DENND1B: variants seen among roughly 807,000 people sequenced by gnomAD.
The protein encoded by DENND1B is DENN domain-containing protein 1B.
Under a neutral mutation model 90.1 loss-of-function variants are expected in DENND1B, and 59 were observed. That is an observed-to-expected ratio of 0.65 (90% CI 0.53 to 0.81). The LOEUF (loss-of-function observed/expected upper bound fraction) is 0.81, where lower values mean the gene tolerates loss of function less well. Ranked by LOEUF, DENND1B falls within the 40% of genes least tolerant of loss-of-function variation. DENND1B has a pLI of 0.00. For missense variants in DENND1B, 862 were observed against 912.6 expected, an observed-to-expected ratio of 0.94 and a Z score of 0.71; for synonymous variants, 337 against 324.6, an observed-to-expected ratio of 1.04 and a Z score of -0.41.
At chr1:197,766,699 T>C (rs901402560) in intron 2 of DENND1B, among the ~76,000 whole-genome samples, 1 of 152,206 alleles carries the variant, frequency 6.6e-6, no homozygotes, top group Non-Finnish European at 1.5e-5. Flanking sequence ...AGCACACATT[T>C]AAAATCATTT....
intron 2 of DENND1B, among the ~76,000 whole-genome samples, chr1:197,727,808 T>C (rs1661783857): frequency 1.3e-5 from 2 of 152,136 alleles, no homozygotes; most frequent in African/African-American, 4.8e-5. Context: ...CTCCTTTATG[T>C]TCCACTAAAA....
At chr1:197,581,333 A>G (rs1674218940) in intron 15 of DENND1B, among the ~76,000 whole-genome samples, 1 of 152,310 alleles carries the variant, frequency 6.6e-6, no homozygotes, top group Middle Eastern at 3.4e-3. Flanking sequence ...GACTATCCAC[A>G]TTGTCCACAT....
At chr1:197,690,222 C>T in intron 3 of DENND1B, 1 of 289,490 alleles carries the variant, frequency 3.5e-6, no homozygotes, top group Non-Finnish European at 6.9e-6. Context: ...AGATACTCGT[C>T]ATGGCAATGT....
intron 15 of DENND1B, among the ~76,000 whole-genome samples, chr1:197,567,653 GTTC>G (rs1672790403): frequency 6.6e-6 from 1 of 152,100 alleles, no homozygotes; most frequent in Non-Finnish European, 1.5e-5. Flanking sequence ...TGCAAGGATG[GTTC>G]AACATTCACA....
At chr1:197,740,225 AC>A (rs1432787155) in intron 2 of DENND1B, among the ~76,000 whole-genome samples, 1 of 152,146 alleles carries the variant, frequency 6.6e-6, no homozygotes, top group African/African-American at 2.4e-5. Flanking sequence ...AAAAATGCAA[AC>A]CCTTGAAGGA....
Position 197,675,134 on chromosome 1 carries a change from G to A in DENND1B, c.127-965C>T, listed in dbSNP as rs1246143520. Among the ~76,000 whole-genome samples the A allele has an allele frequency of 2.0e-5, 3 of 151,974 alleles. No individual in the cohort carries two copies. In the East Asian group the frequency reaches 5.8e-4, roughly 29 times the overall value. The stretch of plus-strand genomic sequence containing the variant: ...ACAAGACAAAGAATTTTATAAGGAT[G>A]TTTCCCATTAAAAAGAAAAAAGAGC... On this transcript the variant is annotated intron_variant, in intron 3 of 22. Coordinates refer to ENST00000620048, the MANE Select transcript of DENND1B (RefSeq NM_001195215.2).
chr1:197,625,796 A>G (rs1386323414), intron 10 of DENND1B, among the ~76,000 whole-genome samples: 1 of 151,974 alleles, frequency 6.6e-6, no homozygotes, highest in Non-Finnish European at 1.5e-5. Flanking sequence ...CACACATAGG[A>G]CATAGGCTCA....
At chr1:197,756,243 C>T (rs10922273) in intron 2 of DENND1B, among the ~76,000 whole-genome samples, 17,411 of 152,112 alleles carry the variant, frequency 0.11, 1,734 homozygotes, top group East Asian at 0.47. Context: ...CCAGGCCAGA[C>T]GCTGTTTGTT....
chr1:197,583,102 A>G (rs1674385943), intron 15 of DENND1B, 50 bp downstream of exon 15: 2 of 1,511,704 alleles, frequency 1.3e-6, no homozygotes, highest in South Asian at 1.1e-5. Flanking sequence ...CAAATGTGTA[A>G]AACTGACAAT....
At chr1:197,735,716 A>G in intron 2 of DENND1B, 1 of 1,613,792 alleles carries the variant, frequency 6.2e-7, no homozygotes, top group Non-Finnish European at 8.5e-7. Flanking sequence ...CCGACAGGAA[A>G]GTTTTCCAGT....
intron 10 of DENND1B, among the ~76,000 whole-genome samples, chr1:197,622,420 A>C (rs1678257464): frequency 6.6e-6 from 1 of 151,392 alleles, no homozygotes; most frequent in Admixed American, 6.6e-5. Context: ...TATAGTAACC[A>C]CTATTTCAAA....
In DENND1B at chr1:197,652,273, G is replaced by A; in HGVS notation, c.409C>T (p.Pro137Ser). ...ACAGGAGTATTTGCCTTTGGTACTG[G>A]GTGGTTATACAGTGATCTGAGAGTT... ...NETLRSLYNH[P>S]VPKANTPVNL... The change falls in exon 7 of 23, where the codon CCA becomes TCA. Residue 137 changes from proline to serine, a missense_variant. Physicochemically the swap from Pro to Ser is moderately conservative, Grantham distance 74. Coordinates refer to ENST00000620048, the MANE Select transcript of DENND1B (RefSeq NM_001195215.2). 1 of 1,611,226 alleles carries A rather than the reference G, an allele frequency of 6.2e-7. No homozygotes were observed.
At chr1:197,709,883 G>A (rs1201673233) in intron 3 of DENND1B, among the ~76,000 whole-genome samples, 2 of 138,984 alleles carry the variant, frequency 1.4e-5, no homozygotes, top group Non-Finnish European at 3.1e-5. Flanking sequence ...GATGGCGGAA[G>A]ATCTACCAAG....
chr1:197,716,274 G>A (rs1245990328), intron 2 of DENND1B, among the ~76,000 whole-genome samples: 2 of 150,252 alleles, frequency 1.3e-5, no homozygotes, highest in African/African-American at 4.9e-5. Flanking sequence ...AAATTAAAAA[G>A]AAAAAAGTAA....
intron 11 of DENND1B, among the ~76,000 whole-genome samples, chr1:197,616,953 A>G (rs1677709102): frequency 6.6e-6 from 1 of 151,030 alleles, no homozygotes; most frequent in African/African-American, 2.4e-5. Flanking sequence ...GCTGCTATTT[A>G]GAAGTCTAAT....
chr1:197,560,156 G>C (rs1359862490), intron 15 of DENND1B, among the ~76,000 whole-genome samples: 4 of 151,830 alleles, frequency 2.6e-5, no homozygotes. Context: ...TATGTCAATT[G>C]ACATTAAATA....
chr1:197,598,811 T>C lies in DENND1B; in HGVS notation c.922-3478A>G, dbSNP rs551386205. 3.3e-5 allele frequency among the ~76,000 whole-genome samples: 5 copies of C among 152,008 alleles called. No individual in the cohort carries two copies. In the South Asian group the frequency reaches 8.3e-4, roughly 25 times the overall value. ...AAGAATTACTTCACAAAGGACATTT[T>C]ATTGTATTGTCTTTAGAGATTTTAC... On this transcript the variant is annotated intron_variant, in intron 13 of 22. Coordinates refer to ENST00000620048, the MANE Select transcript of DENND1B (RefSeq NM_001195215.2).
At chr1:197,579,540 CTT>C (rs34604072) in intron 15 of DENND1B, among the ~76,000 whole-genome samples, 29,141 of 151,978 alleles carry the variant, frequency 0.19, 2,871 homozygotes, top group Non-Finnish European at 0.2. Flanking sequence ...GATGTTAAGA[CTT>C]TATAAATTTG....
chr1:197,547,267 C>CT (rs11339608), intron 16 of DENND1B, among the ~76,000 whole-genome samples: 76 of 145,366 alleles, frequency 5.2e-4, no homozygotes, highest in South Asian at 1.5e-3. Flanking sequence ...GACCCCATCT[C>CT]TTTTTTTTTT....
Sources: gnomAD v4.1 joint callset for allele counts (sites outside exome capture counted in the v4.1 genomes callset) on GRCh38, gnomAD v4.1.1 for gene constraint, MANE v1.5 for transcripts, NCBI Gene and HGNC (gene_info 2026-07-23, HGNC 2026-07-21) for gene names.